ANKDD1B: variants seen among roughly 807,000 people sequenced by gnomAD.
The protein encoded by ANKDD1B is ankyrin repeat and death domain containing 1B, also known as ankyrin repeat and death domain-containing protein 1B.
A neutral mutation model predicts 59.7 loss-of-function variants in ANKDD1B; 57 were observed. That is an observed-to-expected ratio of 0.95 (90% CI 0.77 to 1.19). ANKDD1B has a LOEUF of 1.19. Among genes scored for constraint, ANKDD1B ranks in the 50% most tolerant of loss-of-function variants. The probability of loss-of-function intolerance (pLI) is 0.00; values close to 1 mark genes in which losing one functional copy is unlikely to be tolerated. For synonymous variants in ANKDD1B, 216 were observed against 239.5 expected (o/e 0.90, Z 0.91); for missense variants, 602 against 641.9 (o/e 0.94, Z 0.67).
chr5:75,640,445 A>C (rs78716683), intron 7 of ANKDD1B, among the ~76,000 whole-genome samples: 2 of 152,232 alleles, frequency 1.3e-5, no homozygotes, highest in Admixed American at 1.3e-4. Flanking sequence ...GTGCCAAAGC[A>C]TATAGTCTTG....
intron 7 of ANKDD1B, among the ~76,000 whole-genome samples, chr5:75,640,206 G>T (rs1774428570): frequency 6.6e-6 from 1 of 151,942 alleles, no homozygotes. Context: ...ACCATACTCG[G>T]TTAATTTTTT....
intron 11 of ANKDD1B, among the ~76,000 whole-genome samples, chr5:75,666,118 C>T (rs142644518): frequency 1.1e-4 from 16 of 152,254 alleles, no homozygotes; most frequent in Non-Finnish European, 2.1e-4. Context: ...TTTGATTCTG[C>T]AGGACTCTGG....
rs1453026050 is a variant in ANKDD1B at position 75,634,883 on chromosome 5, GTGAT to G, written c.601-9_601-6del. On this transcript the variant is annotated splice_polypyrimidine_tract_variant and intron_variant, in intron 5 of 13. Coordinates refer to ENST00000601380, the MANE Select transcript of ANKDD1B (RefSeq NM_001276713.2). Reference sequence around the variant, plus strand: ...AGACTGTAATAAATGCTTGAGGTTTGTGATTGATTTTTAGAAAGGAAGAAAACCA... The same window carrying G: ...AGACTGTAATAAATGCTTGAGGTTTGTGATTTTTAGAAAGGAAGAAAACCA... 6.8e-7 allele frequency: 1 copy of G among 1,472,092 alleles called. No homozygotes were observed. Among genetic ancestry groups the G allele is most frequent in the African/African-American group, 1.4e-5 (1 of 71,856 alleles). The allele number at this position is 1,472,092 out of a possible 1,614,324, so 91.2% of individuals were successfully genotyped here. A position where few individuals can be genotyped will look rare whatever the true frequency, so the allele number is the denominator to read the frequency against.
At chr5:75,670,276 T>G (rs1775439218) in intron 13 of ANKDD1B, among the ~76,000 whole-genome samples, 1 of 152,256 alleles carries the variant, frequency 6.6e-6, no homozygotes, top group Non-Finnish European at 1.5e-5. Context: ...TATATTGACT[T>G]TGGAAACAAA....
chr5:75,658,110 T>C (rs1011628241), intron 9 of ANKDD1B, among the ~76,000 whole-genome samples: 9 of 152,008 alleles, frequency 5.9e-5, no homozygotes, highest in African/African-American at 2.2e-4. Context: ...GAAGGGAGGA[T>C]TGCTTGAGCC....
At chr5:75,618,393 A>G (rs1233380523) in intron 2 of ANKDD1B, among the ~76,000 whole-genome samples, 1 of 152,170 alleles carries the variant, frequency 6.6e-6, no homozygotes, top group Non-Finnish European at 1.5e-5. Context: ...GTTATTTTAA[A>G]CTTTTTCTTA....
chr5:75,635,754 G>A (rs1391080011), intron 6 of ANKDD1B, 30 bp from the exon 7 acceptor site: 2 of 1,414,966 alleles, frequency 1.4e-6, no homozygotes, highest in Non-Finnish European at 1.9e-6. Flanking sequence ...TGGCACAGGG[G>A]TTTCTACGTC....
intron 11 of ANKDD1B, among the ~76,000 whole-genome samples, chr5:75,665,056 T>A (rs1317052455): frequency 1.3e-5 from 2 of 152,244 alleles, no homozygotes; most frequent in African/African-American, 4.8e-5. Context: ...CATTTATCCA[T>A]TAACCTAACC....
In ANKDD1B at chr5:75,663,506, C is replaced by T. The variant is rs746896432; in HGVS notation, c.1191+17C>T. 175 of 1,529,018 alleles carry T rather than the reference C, an allele frequency of 1.1e-4. No homozygotes were observed. Among genetic ancestry groups the T allele is most frequent in the Non-Finnish European group, 1.4e-4 (165 of 1,140,818 alleles). 94.7% of individuals were successfully genotyped at this position (1,529,018 alleles called of 1,614,324 possible). A position where few individuals can be genotyped will look rare whatever the true frequency, so the allele number is the denominator to read the frequency against. ...TGGAGAGAGGTAAGGAAGGACGATC[C>T]CAGCACAGCAGGGGCTTTCCTGGCA... On this transcript the variant is annotated intron_variant, in intron 11 of 13. Coordinates refer to ENST00000601380, the MANE Select transcript of ANKDD1B (RefSeq NM_001276713.2).
chr5:75,631,183 G>T (rs1254215453), intron 5 of ANKDD1B, among the ~76,000 whole-genome samples: 1 of 152,100 alleles, frequency 6.6e-6, no homozygotes, highest in South Asian at 2.1e-4. Context: ...AAATATAAAG[G>T]CAAAGCAACA....
intron 10 of ANKDD1B, among the ~76,000 whole-genome samples, chr5:75,661,415 A>AAAAAAAAAAAAAG (rs1561450258): frequency 1.4e-5 from 2 of 138,346 alleles, no homozygotes; most frequent in East Asian, 2.0e-4. Context: ...AAAAAAAAAA[A>AAAAAAAAAAAAAG]AAAAAAAAAA....
At chr5:75,665,842 T>G (rs1434521402) in intron 11 of ANKDD1B, among the ~76,000 whole-genome samples, 1 of 152,200 alleles carries the variant, frequency 6.6e-6, no homozygotes, top group African/African-American at 2.4e-5. Flanking sequence ...GTTCATTTCC[T>G]GCCCCAGCCT....
intron 1 of ANKDD1B, among the ~76,000 whole-genome samples, chr5:75,615,783 C>T (rs1340778433): frequency 6.6e-6 from 1 of 151,814 alleles, no homozygotes; most frequent in Non-Finnish European, 1.5e-5. Context: ...CCTTAATTAC[C>T]TCTTTAAAGG....
intron 3 of ANKDD1B, among the ~76,000 whole-genome samples, chr5:75,624,464 G>A (rs1444471013): frequency 6.6e-6 from 1 of 152,070 alleles, no homozygotes; most frequent in African/African-American, 2.4e-5. Context: ...CTCCTTATTT[G>A]GTAGACAAGT....
At position 75,635,782 on chromosome 5, in the gene ANKDD1B, AG is replaced by A. The variant is rs1389704893; in HGVS notation, c.704del. 1.2e-5 allele frequency: 19 copies of A among 1,523,400 alleles called. No individual in the cohort carries two copies. The highest frequency in any genetic ancestry group is 6.9e-5 in the African/African-American group (5 of 72,784). 94.4% of individuals were successfully genotyped at this position (1,523,400 alleles called of 1,614,324 possible). A position where few individuals can be genotyped will look rare whatever the true frequency, so the allele number is the denominator to read the frequency against. On this transcript the variant is annotated splice_acceptor_variant, in intron 6 of 13. Coordinates refer to ENST00000601380, the MANE Select transcript of ANKDD1B (RefSeq NM_001276713.2). LOFTEE classifies it high-confidence loss of function. ...TCTACGTCGAGTGTGTCTCTGTTGC[AG>A]GGGGGAAACACTGCCTTGCACCTCG...
At chr5:75,659,431 T>C (rs1337203956) in intron 10 of ANKDD1B, 50 bp downstream of exon 10, 2 of 1,274,332 alleles carry the variant, frequency 1.6e-6, no homozygotes, top group East Asian at 5.0e-5. Context: ...GCTAAGACCT[T>C]CCTGTTGGAT....
At chr5:75,614,418 T>C (rs1164818064) in intron 1 of ANKDD1B, among the ~76,000 whole-genome samples, 1 of 152,098 alleles carries the variant, frequency 6.6e-6, no homozygotes, top group Non-Finnish European at 1.5e-5. Flanking sequence ...TATCTCTGTC[T>C]GTCAAGGCTT....
chr5:75,646,760 C>T (rs146902481), intron 7 of ANKDD1B, among the ~76,000 whole-genome samples: 69,681 of 93,352 alleles, frequency 0.75, 26,974 homozygotes, highest in Middle Eastern at 0.83. Context: ...CTTTAAAGTT[C>T]ATATGGAACC....
At chr5:75,668,750 TCA>T (rs1335920992) in intron 12 of ANKDD1B, among the ~76,000 whole-genome samples, 5 of 152,174 alleles carry the variant, frequency 3.3e-5, no homozygotes, top group Admixed American at 1.3e-4. Context: ...CAAACTTCCC[TCA>T]GAGTAGCTTC....
Sources: gnomAD v4.1 joint callset for allele counts (sites outside exome capture counted in the v4.1 genomes callset) on GRCh38, gnomAD v4.1.1 for gene constraint, MANE v1.5 for transcripts, NCBI Gene and HGNC (gene_info 2026-07-23, HGNC 2026-07-21) for gene names.